CDC123: variants seen among roughly 807,000 people sequenced by gnomAD.
CDC123 encodes translation initiation factor eIF2 assembly protein.
CDC123 carries 37 observed loss-of-function variants against 54.4 expected under a neutral mutation model. The observed-to-expected ratio is 0.68, with a 90% CI of 0.52 to 0.89. CDC123 has a LOEUF of 0.89. CDC123 is among the 40% of genes least tolerant of loss of function. The probability of loss-of-function intolerance (pLI) is 0.00; values close to 1 mark genes in which losing one functional copy is unlikely to be tolerated. For synonymous variants in CDC123, 144 were observed against 136.8 expected, an observed-to-expected ratio of 1.05 and a Z score of -0.37; for missense variants, 361 against 412.1, an observed-to-expected ratio of 0.88 and a Z score of 1.07.
rs143876572 is a variant in CDC123, at chr10:12,200,771, A to G, written c.146+1995A>G. Among the ~76,000 whole-genome samples the G allele has an allele frequency of 6.2e-3, 939 of 152,258 alleles. 9 individuals carry two copies. Among genetic ancestry groups the G allele is most frequent in the African/African-American group, 0.022 (900 of 41,546 alleles). ...AACATGGTGAAACCTCATCTCTACT[A>G]AAAACACAAAAATTAGCCGGGCATG... is the stretch of plus-strand genomic sequence containing the variant. On this transcript the variant is annotated intron_variant, in intron 2 of 12. Coordinates refer to ENST00000281141, the MANE Select transcript of CDC123 (RefSeq NM_006023.3).
At chr10:12,246,592 C>T (rs1164934346) in intron 11 of CDC123, 1 of 209,184 alleles carries the variant, frequency 4.8e-6, no homozygotes, top group Admixed American at 5.9e-5. Flanking sequence ...CCAGCCCCAG[C>T]TGCTGAGGCC....
chr10:12,212,876 A>G (rs12262991), intron 4 of CDC123, among the ~76,000 whole-genome samples: 3,250 of 152,326 alleles, frequency 0.021, 108 homozygotes, highest in African/African-American at 0.074. Flanking sequence ...AATCCAAAAC[A>G]CTTCTGGTCT....
At chr10:12,235,287 G>A (rs1185759316) in intron 8 of CDC123, among the ~76,000 whole-genome samples, 164 bp downstream of exon 8, 1 of 152,160 alleles carries the variant, frequency 6.6e-6, no homozygotes, top group East Asian at 1.9e-4. Flanking sequence ...GGAATGCTGT[G>A]TTGACAGGAA....
intron 10 of CDC123, among the ~76,000 whole-genome samples, chr10:12,243,321 C>T (rs1215209858): frequency 1.3e-5 from 2 of 149,806 alleles, no homozygotes. Context: ...TTGCATGAAC[C>T]CAGGAAGGGG....
rs1176712701 is a variant in CDC123, at chr10:12,247,041, C to T, written c.846+764C>T. The T allele has an allele frequency of 8.3e-5, 12 of 144,030 alleles. 1 individual carries two copies. The East Asian group carries it at 1.7e-3, about 21-fold the overall frequency. The allele number at this position is 144,030 out of a possible 1,614,324, so 8.9% of individuals were successfully genotyped here. A position where few individuals can be genotyped will look rare whatever the true frequency, so the allele number is the denominator to read the frequency against. The stretch of plus-strand genomic sequence containing the variant: ...TGGACACTGTGTCCTCCTCTCTCAC[C>T]GCCCACTCCGGACACTGTGTCCTCC... On this transcript the variant is annotated intron_variant, in intron 11 of 12. Coordinates refer to ENST00000281141, the MANE Select transcript of CDC123 (RefSeq NM_006023.3).
chr10:12,227,801 A>G (rs1470395675), intron 6 of CDC123, among the ~76,000 whole-genome samples: 1 of 152,056 alleles, frequency 6.6e-6, no homozygotes, highest in Non-Finnish European at 1.5e-5. Context: ...CAGTCCAAAA[A>G]TAATTTTCTT....
chr10:12,242,360 C>G (rs1435891579), intron 10 of CDC123, among the ~76,000 whole-genome samples: 1 of 152,006 alleles, frequency 6.6e-6, no homozygotes, highest in Non-Finnish European at 1.5e-5. Flanking sequence ...GTTCTTGCCT[C>G]TCTTGAAGCA....
intron 4 of CDC123, among the ~76,000 whole-genome samples, chr10:12,212,555 CTCAAACT>C (rs1485927714): frequency 6.6e-6 from 1 of 152,200 alleles, no homozygotes; most frequent in Non-Finnish European, 1.5e-5. Flanking sequence ...CCAGGCTGCA[CTCAAACT>C]TCTGGGCTCA....
intron 7 of CDC123, among the ~76,000 whole-genome samples, chr10:12,232,910 C>A (rs1379683445): frequency 6.6e-6 from 1 of 151,968 alleles, no homozygotes; most frequent in African/African-American, 2.4e-5. Context: ...CAGGCACCCG[C>A]CACTCCGCCT....
rs1014393844 is a variant in CDC123 at position 12,238,977 on chromosome 10, G to A, written c.717+492G>A. ...TGTGCTGCAGCCTGGGCAACAGAGCGAGACTCTGCCTCAAAAGAGAAAAAA... is the reference window on the plus strand; with the variant it reads ...TGTGCTGCAGCCTGGGCAACAGAGCAAGACTCTGCCTCAAAAGAGAAAAAA... On this transcript the variant is annotated intron_variant, in intron 10 of 12. Transcript: ENST00000281141. 1.1e-4 allele frequency among the ~76,000 whole-genome samples: 16 copies of A among 151,838 alleles called. 1 individual carries two copies. The highest frequency in any genetic ancestry group is 4.6e-4 in the Admixed American group (7 of 15,212).
At chr10:12,215,875 CT>C in intron 5 of CDC123, 40 bp downstream of exon 5, 1 of 1,314,178 alleles carries the variant, frequency 7.6e-7, no homozygotes, top group Non-Finnish European at 1.1e-6. Flanking sequence ...TTTGAATATT[CT>C]TTGTTTTGCT....
At chr10:12,231,300 A>G (rs527751606) in intron 7 of CDC123, among the ~76,000 whole-genome samples, 1 of 152,182 alleles carries the variant, frequency 6.6e-6, no homozygotes, top group African/African-American at 2.4e-5. Context: ...TACCATTTTT[A>G]TATTGTTCAC....
At chr10:12,246,673 G>A in intron 11 of CDC123, 1 of 161,060 alleles carries the variant, frequency 6.2e-6, no homozygotes, top group Non-Finnish European at 1.4e-5. Flanking sequence ...ACGGTGACTG[G>A]CTCACGCCTT....
At chr10:12,223,342 A>G (rs1197773895) in intron 6 of CDC123, among the ~76,000 whole-genome samples, 1 of 150,596 alleles carries the variant, frequency 6.6e-6, no homozygotes, top group Admixed American at 6.6e-5. Flanking sequence ...CTGGAGTCCA[A>G]TGGCATGATC....
chr10:12,214,417 A>C (rs1410559158), intron 4 of CDC123, among the ~76,000 whole-genome samples: 1 of 152,214 alleles, frequency 6.6e-6, no homozygotes, highest in Non-Finnish European at 1.5e-5. Flanking sequence ...TGAATGGAAA[A>C]TAAAGGACTC....
intron 7 of CDC123, among the ~76,000 whole-genome samples, chr10:12,234,213 G>A (rs928429611): frequency 2.6e-5 from 4 of 152,184 alleles, no homozygotes; most frequent in Non-Finnish European, 1.5e-5. Flanking sequence ...TCCTGCCTCA[G>A]CCTCCTTAGT....
chr10:12,236,109 G>C (rs935414273), intron 8 of CDC123, among the ~76,000 whole-genome samples: 2 of 152,162 alleles, frequency 1.3e-5, no homozygotes, highest in African/African-American at 4.8e-5. Flanking sequence ...GTATGAATAT[G>C]GCAGGCATCT....
chr10:12,246,390 A>G (rs1057048573), intron 11 of CDC123, 113 bp downstream of exon 11: 11 of 1,196,802 alleles, frequency 9.2e-6, no homozygotes, highest in Non-Finnish European at 1.3e-5. Flanking sequence ...GGAAGCGCAG[A>G]GTGTAACACA....
chr10:12,242,848 A>G (rs1227559759), intron 10 of CDC123, among the ~76,000 whole-genome samples: 1 of 152,006 alleles, frequency 6.6e-6, no homozygotes, highest in Non-Finnish European at 1.5e-5. Flanking sequence ...AGGCTGAGGC[A>G]GGAGAACCAC....
Sources: allele counts gnomAD v4.1 joint callset (sites outside exome capture counted in the v4.1 genomes callset), GRCh38; gene constraint gnomAD v4.1.1; transcripts MANE v1.5; gene names NCBI Gene and HGNC (gene_info 2026-07-23, HGNC 2026-07-21).